Variants in GIGYF2 observed in about 807,000 individuals in gnomAD.
GIGYF2 encodes the protein GRB10 interacting GYF protein 2.
A neutral mutation model predicts 208.1 loss-of-function variants in GIGYF2; 25 were observed. That is an observed-to-expected ratio of 0.12 (90% CI 0.09 to 0.17). The LOEUF (loss-of-function observed/expected upper bound fraction) is 0.17, where lower values mean the gene tolerates loss of function less well. Ranked by LOEUF, GIGYF2 falls within the 10% of genes least tolerant of loss-of-function variation. The pLI is 1.00. For synonymous variants in GIGYF2, 534 were observed against 543.8 expected (o/e 0.98, Z 0.25); for missense variants, 1,302 against 1,579.4 (o/e 0.82, Z 2.98).
intron 3 of GIGYF2, among the ~76,000 whole-genome samples, chr2:232,741,644 A>G (rs1184630350): frequency 6.6e-6 from 1 of 152,036 alleles, no homozygotes; most frequent in Non-Finnish European, 1.5e-5. Context: ...GAGCTTTACC[A>G]TATTGGCCAG....
chr2:232,754,995 T>A (rs1698476810), intron 5 of GIGYF2, among the ~76,000 whole-genome samples: 1 of 152,164 alleles, frequency 6.6e-6, no homozygotes. Flanking sequence ...ACCTATTTAT[T>A]ACAACACATT....
At chr2:232,763,894 T>G (rs1698844010) in intron 8 of GIGYF2, among the ~76,000 whole-genome samples, 1 of 152,190 alleles carries the variant, frequency 6.6e-6, no homozygotes, top group Non-Finnish European at 1.5e-5. Context: ...CTGTAATATT[T>G]TTTGATCATG....
At chr2:232,768,253 T>C (rs765534142) in intron 8 of GIGYF2, 6 of 1,614,116 alleles carry the variant, frequency 3.7e-6, no homozygotes, top group Middle Eastern at 1.6e-4. Flanking sequence ...TTGATGTGGA[T>C]ATCCAGGTCA....
chr2:232,802,308 A>G (rs997349103), intron 14 of GIGYF2, among the ~76,000 whole-genome samples: 4 of 151,978 alleles, frequency 2.6e-5, no homozygotes, highest in African/African-American at 9.7e-5. Context: ...AAGTGGTGAA[A>G]GTGGGCGTCC....
chr2:232,728,805 A>G (rs1697321722), intron 2 of GIGYF2, among the ~76,000 whole-genome samples: 1 of 152,166 alleles, frequency 6.6e-6, no homozygotes, highest in South Asian at 2.1e-4. Flanking sequence ...TAGTGCTGGT[A>G]ATGGAGGAAA....
intron 3 of GIGYF2, among the ~76,000 whole-genome samples, chr2:232,740,684 A>T (rs1697937938): frequency 6.6e-6 from 1 of 152,186 alleles, no homozygotes; most frequent in Admixed American, 6.5e-5. Flanking sequence ...TAACTAATTT[A>T]GTTAATAAAT....
In GIGYF2 at chr2:232,857,149, G is replaced by A; in HGVS notation, c.*289G>A. The A allele has an allele frequency of 2.0e-6, 1 of 499,296 alleles. No individual in the cohort carries two copies. The highest frequency in any genetic ancestry group is 3.6e-6 in the Non-Finnish European group (1 of 274,534). 30.9% of individuals were successfully genotyped at this position (499,296 alleles called of 1,614,324 possible). A position where few individuals can be genotyped will look rare whatever the true frequency, so the allele number is the denominator to read the frequency against. ...TTAGGCAGCATGTGTTCACTGTGCT[G>A]TGATTTCATCTACTGTCTCCCAGAA... On this transcript the variant is annotated 3_prime_UTR_variant, in exon 29 of 29. Coordinates refer to ENST00000373563, the MANE Select transcript of GIGYF2 (RefSeq NM_001103146.3).
At chr2:232,735,351 A>C in intron 3 of GIGYF2, 113 bp downstream of exon 3, 1 of 762,186 alleles carries the variant, frequency 1.3e-6, no homozygotes, top group Middle Eastern at 2.3e-4. Context: ...CTTTTGCTTT[A>C]TGTGCCTCGC....
intron 14 of GIGYF2, among the ~76,000 whole-genome samples, chr2:232,797,442 A>G (rs1307371097): frequency 6.7e-6 from 1 of 150,052 alleles, no homozygotes; most frequent in Non-Finnish European, 1.5e-5. Flanking sequence ...GGCATTTTAC[A>G]TGTTTGTTCA....
At chr2:232,740,243 G>T (rs545710084) in intron 3 of GIGYF2, among the ~76,000 whole-genome samples, 1 of 152,250 alleles carries the variant, frequency 6.6e-6, no homozygotes, top group South Asian at 2.1e-4. Context: ...GATTGCTCGG[G>T]CCTAGGCATT....
At chr2:232,848,257 C>T (rs1269481311) in intron 27 of GIGYF2, among the ~76,000 whole-genome samples, 3 of 152,106 alleles carry the variant, frequency 2.0e-5, no homozygotes, top group Non-Finnish European at 2.9e-5. Context: ...GAAGCTTATC[C>T]AGCACACGTA....
intron 8 of GIGYF2, chr2:232,776,633 T>C: frequency 1.6e-6 from 1 of 618,778 alleles, no homozygotes; most frequent in Non-Finnish European, 2.9e-6. Context: ...GTTGATGTGA[T>C]TGGTCACTTA....
chr2:232,786,530 C>T (rs926533953), intron 8 of GIGYF2, among the ~76,000 whole-genome samples: 6 of 152,192 alleles, frequency 3.9e-5, no homozygotes, highest in East Asian at 1.9e-4. Flanking sequence ...AGCCACCACG[C>T]GGCCTGCTTT....
intron 2 of GIGYF2, 23 bp from the exon 3 acceptor site, chr2:232,735,132 G>T: frequency 9.9e-7 from 1 of 1,005,374 alleles, no homozygotes; most frequent in Non-Finnish European, 1.6e-6. Flanking sequence ...CTAATAGTAT[G>T]GAGATATTTT....
At chr2:232,756,168 A>G (rs907293991) in intron 5 of GIGYF2, 55 bp from the exon 6 acceptor site, 2 of 984,250 alleles carry the variant, frequency 2.0e-6, no homozygotes, top group African/African-American at 2.0e-5. Context: ...TGTTTCATCC[A>G]TTTTTTTCTT....
chr2:232,782,467 A>G (rs2106354677), intron 8 of GIGYF2, among the ~76,000 whole-genome samples: 1 of 152,312 alleles, frequency 6.6e-6, no homozygotes, highest in African/African-American at 2.4e-5. Flanking sequence ...AGAAATGCAA[A>G]CATATACTTA....
chr2:232,821,651 C>T (rs1701084469), intron 21 of GIGYF2, among the ~76,000 whole-genome samples: 1 of 151,940 alleles, frequency 6.6e-6, no homozygotes, highest in Non-Finnish European at 1.5e-5. Flanking sequence ...ATTTATTTTC[C>T]TAGGGGGATC....
chr2:232,781,779 A>G (rs80064472), intron 8 of GIGYF2, among the ~76,000 whole-genome samples: 2,302 of 152,262 alleles, frequency 0.015, 78 homozygotes, highest in African/African-American at 0.053. Flanking sequence ...CAATGGGTCA[A>G]ATTTATGAGT....
chr2:232,759,518 C>T (rs1698667949), intron 6 of GIGYF2, among the ~76,000 whole-genome samples: 1 of 152,108 alleles, frequency 6.6e-6, no homozygotes, highest in South Asian at 2.1e-4. Flanking sequence ...GCAGCTATAT[C>T]ATTTATATAA....
Sources: gnomAD v4.1 joint callset for allele counts (sites outside exome capture counted in the v4.1 genomes callset) on GRCh38, gnomAD v4.1.1 for gene constraint, MANE v1.5 for transcripts, NCBI Gene and HGNC (gene_info 2026-07-23, HGNC 2026-07-21) for gene names.